Variants in OTP observed in about 807,000 individuals in gnomAD.
OTP encodes homeobox protein orthopedia.
Under a neutral mutation model 22.3 loss-of-function variants are expected in OTP, and 5 were observed. The observed-to-expected ratio is 0.22, with a 90% CI of 0.12 to 0.47. The LOEUF is 0.47. OTP is among the 20% of genes least tolerant of loss of function. The pLI is 0.99. For synonymous variants in OTP, 229 were observed against 210.6 expected (o/e 1.09, Z -0.76); for missense variants, 428 against 456.2 (o/e 0.94, Z 0.56).
intron 2 of OTP, among the ~76,000 whole-genome samples, chr5:77,634,001 T>A (rs941892506): frequency 6.6e-6 from 1 of 152,182 alleles, no homozygotes; most frequent in Non-Finnish European, 1.5e-5. Context: ...TAGAAAATAC[T>A]CTCAGTTTGT....
intron 2 of OTP, chr5:77,636,455 T>C: frequency 4.3e-6 from 1 of 230,562 alleles, no homozygotes; most frequent in Non-Finnish European, 8.4e-6. Context: ...CATTAGGGGG[T>C]AATATTTGTC....
chr5:77,633,029 G>A (rs1438283993), intron 2 of OTP, among the ~76,000 whole-genome samples: 2 of 152,158 alleles, frequency 1.3e-5, no homozygotes, highest in South Asian at 2.1e-4. Context: ...ACGCCGCACC[G>A]GGATTATGTT....
chr5:77,630,904 G>A, intron 2 of OTP, 110 bp from the exon 3 acceptor site: 1 of 1,234,638 alleles, frequency 8.1e-7, no homozygotes, highest in Non-Finnish European at 1.1e-6. Context: ...GCTCTGCCCT[G>A]GGAGGAACAA....
At chr5:77,632,373 A>G (rs1744945020) in intron 2 of OTP, among the ~76,000 whole-genome samples, 1 of 152,238 alleles carries the variant, frequency 6.6e-6, no homozygotes, top group Non-Finnish European at 1.5e-5. Context: ...AATATAAATG[A>G]TGTAGGACAA....
intron 2 of OTP, among the ~76,000 whole-genome samples, chr5:77,633,123 G>A (rs1423552956): frequency 6.6e-6 from 1 of 152,154 alleles, no homozygotes; most frequent in African/African-American, 2.4e-5. Flanking sequence ...TTGAGGAGAG[G>A]GAGTGTGAGG....
intron 2 of OTP, chr5:77,636,417 C>T (rs1417144274): frequency 1.1e-5 from 2 of 174,596 alleles, no homozygotes; most frequent in South Asian, 1.9e-4. Context: ...TTGCATTCCT[C>T]CTTTTATCCA....
chr5:77,637,363 A>G (rs1745026957), intron 1 of OTP, 133 bp from the exon 2 acceptor site: 1 of 1,084,158 alleles, frequency 9.2e-7, no homozygotes. Flanking sequence ...AGAAACTCCC[A>G]GGGTATTCAG....
rs1167940503 is a variant in OTP at position 77,630,540 on chromosome 5, C to T, written c.702G>A (p.Gln234=). ...CCGCCAGGCTGCACTGGGACAGCGA[C>T]TGCGCCATGGCCTGCTGCCTGCCCA... is the stretch of plus-strand genomic sequence containing the variant. The part of the protein sequence containing the change: ...PALGRQQAMA[Q]SLSQCSLAAG... The change falls in exon 3 of 3, where the codon CAG becomes CAA. Residue 234 remains glutamine, a synonymous_variant. Coordinates refer to ENST00000306422, the MANE Select transcript of OTP (RefSeq NM_032109.3). The T allele has an allele frequency of 6.3e-7, 1 of 1,582,376 alleles. No homozygotes were observed.
In OTP at chr5:77,630,392, G is replaced by GGCCGGGGAGGGAGGCGGGCACCAT. The variant is rs745706001; in HGVS notation, c.826_849dup (p.Met276_Gly283dup). The GGCCGGGGAGGGAGGCGGGCACCAT allele has an allele frequency of 8.9e-6, 14 of 1,580,156 alleles. No individual in the cohort carries two copies. Among genetic ancestry groups the GGCCGGGGAGGGAGGCGGGCACCAT allele is most frequent in the Admixed American group, 1.8e-5 (1 of 55,816 alleles). On this transcript the variant is annotated inframe_insertion, in exon 3 of 3. Transcript: ENST00000306422. ...TGGGGCGAACCGGAGACGTTGCTGG[G>GGCCGGGGAGGGAGGCGGGCACCAT]GCCGGGGAGGGAGGCGGGCACCATG... is the stretch of plus-strand genomic sequence containing the variant.
intron 2 of OTP, among the ~76,000 whole-genome samples, chr5:77,631,372 T>G (rs1287134380): frequency 6.6e-6 from 1 of 152,028 alleles, no homozygotes; most frequent in East Asian, 1.9e-4. Flanking sequence ...CGTGGGAAAG[T>G]GAACGCCACT....
intron 2 of OTP, among the ~76,000 whole-genome samples, chr5:77,631,824 A>G (rs1057398704): frequency 1.3e-5 from 2 of 151,890 alleles, no homozygotes; most frequent in African/African-American, 2.4e-5. Flanking sequence ...CGGCCTCCCA[A>G]AGTGCTAGGA....
intron 1 of OTP, 109 bp from the exon 2 acceptor site, chr5:77,637,339 G>T: frequency 7.7e-7 from 1 of 1,295,686 alleles, no homozygotes; most frequent in Non-Finnish European, 1.0e-6. Context: ...CCGCACCCGC[G>T]CTTGTCCTAA....
At position 77,630,323 on chromosome 5, in the gene OTP, T is replaced by A; in HGVS notation, c.919A>T (p.Ser307Cys). 1 of 1,566,746 alleles carries A rather than the reference T, an allele frequency of 6.4e-7. No individual in the cohort carries two copies. The highest frequency in any genetic ancestry group is 8.6e-7 in the Non-Finnish European group (1 of 1,159,640). The stretch of plus-strand genomic sequence containing the variant: ...GCCTTGCGGCGGAGGGAGGCGATGC[T>A]GGTGCCCCGCCACACGTCGCTGCTG... ...PDSSDVWRGT[S>C]IASLRRKALE... The change falls in exon 3 of 3, where the codon AGC (serine) becomes TGC (cysteine). Residue 307 changes from serine to cysteine, a missense_variant. Physicochemically the swap from Ser to Cys is moderately radical, Grantham distance 112. Around this residue, in one of 3 missense-constraint regions of OTP, gnomAD observed 236 missense variants for 238.1 expected, o/e 0.99. Transcript: ENST00000306422.
In OTP at chr5:77,630,124, G is replaced by C; in HGVS notation, c.*140C>G. On this transcript the variant is annotated 3_prime_UTR_variant, in exon 3 of 3. Transcript: ENST00000306422. ...GGGGTGAGCCCGAGCGAGTGGAGGA[G>C]AGAGGCGAGGACGAAACGAGACGGG... 5.1e-6 allele frequency: 2 copies of C among 393,876 alleles called. No homozygotes were observed. Among genetic ancestry groups the C allele is most frequent in the Non-Finnish European group, 8.2e-6 (2 of 244,826 alleles). The allele number at this position is 393,876 out of a possible 1,614,324, so 24.4% of individuals were successfully genotyped here. A position where few individuals can be genotyped will look rare whatever the true frequency, so the allele number is the denominator to read the frequency against.
chr5:77,635,314 C>T (rs1410926212), intron 2 of OTP, among the ~76,000 whole-genome samples: 1 of 152,152 alleles, frequency 6.6e-6, no homozygotes, highest in Non-Finnish European at 1.5e-5. Context: ...AAGGTTTAAA[C>T]TCAACTTCAG....
At chr5:77,633,644 A>G (rs1290550737) in intron 2 of OTP, among the ~76,000 whole-genome samples, 1 of 152,228 alleles carries the variant, frequency 6.6e-6, no homozygotes, top group Admixed American at 6.5e-5. Context: ...CTAAAAATCC[A>G]CTTTCATGAT....
intron 2 of OTP, among the ~76,000 whole-genome samples, chr5:77,632,914 C>A (rs555828918): frequency 2.0e-5 from 3 of 152,188 alleles, no homozygotes; most frequent in African/African-American, 7.2e-5. Context: ...GAAGGCACAG[C>A]GAGAAGACCT....
chr5:77,637,368 A>AG, intron 1 of OTP, 138 bp from the exon 2 acceptor site: 1 of 1,054,516 alleles, frequency 9.5e-7, no homozygotes, highest in Non-Finnish European at 1.3e-6. Flanking sequence ...CTCCCAGGGT[A>AG]TTCAGCTGGG....
chr5:77,637,324 C>G, intron 1 of OTP, 94 bp from the exon 2 acceptor site: 2 of 1,347,934 alleles, frequency 1.5e-6, no homozygotes, highest in Non-Finnish European at 2.0e-6. Flanking sequence ...CGTCCTCGGC[C>G]CCCTCCGCAC....
Sources: allele counts gnomAD v4.1 joint callset (sites outside exome capture counted in the v4.1 genomes callset), GRCh38; gene constraint gnomAD v4.1.1; regional missense constraint gnomAD v4.1.1; transcripts MANE v1.5; gene names NCBI Gene and HGNC (gene_info 2026-07-23, HGNC 2026-07-21).